Variants in ZNF556 observed in about 807,000 individuals in gnomAD.
ZNF556 encodes zinc finger protein 556.
ZNF556 carries 11 observed loss-of-function variants against 13.6 expected under a neutral mutation model. The observed-to-expected ratio is 0.81, with a 90% CI of 0.51 to 1.33. ZNF556 has a LOEUF of 1.33. Ranked by LOEUF, ZNF556 falls within the 40% of genes most tolerant of loss-of-function variation. The pLI is 0.00. For missense variants in ZNF556, 633 were observed against 566.2 expected (o/e 1.12, Z -1.20); for synonymous variants, 229 against 207.8 (o/e 1.10, Z -0.88).
At position 2,881,785 on chromosome 19, in the gene ZNF556, G is replaced by C. The variant is rs771798750; in HGVS notation, c.*3456G>C. 3.3e-5 allele frequency: 5 copies of C among 151,694 alleles called. No homozygotes were observed. Among genetic ancestry groups the C allele is most frequent in the Non-Finnish European group, 5.9e-5 (4 of 67,976 alleles). 9.4% of individuals were successfully genotyped at this position (151,694 alleles called of 1,614,324 possible). On this transcript the variant is annotated 3_prime_UTR_variant, in exon 4 of 4. Transcript: ENST00000307635. ...TAATACTATTTCAAGAACTGCTCAT[G>C]AGTTAGGAAATAGTGAGCAGTAATA... is the stretch of plus-strand genomic sequence containing the variant.
chr19:2,873,681 C>T, intron 2 of ZNF556, 59 bp downstream of exon 2: 2 of 1,575,390 alleles, frequency 1.3e-6, no homozygotes, highest in South Asian at 1.2e-5. Context: ...TGTCTGGTTG[C>T]AGTGGTTCAT....
Position 2,882,040 on chromosome 19 carries a change from G to T in ZNF556, c.*3711G>T. 1 of 152,154 alleles carries T rather than the reference G, an allele frequency of 6.6e-6. No individual in the cohort carries two copies. Among genetic ancestry groups the T allele is most frequent in the East Asian group, 1.9e-4 (1 of 5,192 alleles). The allele number at this position is 152,154 out of a possible 1,614,324, so 9.4% of individuals were successfully genotyped here. A position where few individuals can be genotyped will look rare whatever the true frequency, so the allele number is the denominator to read the frequency against. On this transcript the variant is annotated 3_prime_UTR_variant, in exon 4 of 4. Coordinates refer to ENST00000307635, the MANE Select transcript of ZNF556 (RefSeq NM_024967.3). ...GGTGGAGGATGGCTTGAGACCAAGA[G>T]GTCCAGGCTGCAATGAGTTATCTTG... is the stretch of plus-strand genomic sequence containing the variant.
chr19:2,878,320 A>C lies in ZNF556; in HGVS notation c.1362A>C (p.Thr454=). ...GTCACACAGGAAAGAAATCCTGTAC[A>C]TCTAAGTAATGGGGGAAAACCTGTG... ...VRSHTGKKSC[T]SK Residue 454 remains threonine (T), a synonymous_variant, in exon 4 of 4, where the codon ACA becomes ACC. Transcript: ENST00000307635. The C allele has an allele frequency of 6.2e-7, 1 of 1,612,640 alleles. No homozygotes were observed. The highest frequency in any genetic ancestry group is 8.5e-7 in the Non-Finnish European group (1 of 1,179,390).
At position 2,873,516 on chromosome 19, in the gene ZNF556, C is replaced by T. The variant is rs141737865; in HGVS notation, c.24C>T (p.Asp8=). 98 of 1,613,966 alleles carry T rather than the reference C, an allele frequency of 6.1e-5. No homozygotes were observed. Among genetic ancestry groups the T allele is most frequent in the Non-Finnish European group, 7.2e-5 (85 of 1,180,010 alleles). ...TTTAGGACACAGTGGTCTTTGAAGA[C>T]GTGGTTGTGGATTTCACGCTGGAGG... MDTVVFE[D]VVVDFTLEEW... is the part of the protein sequence containing the mutation. The change falls in exon 2 of 4, where the codon GAC becomes GAT. Residue 8 remains aspartate (D), a synonymous_variant. Transcript: ENST00000307635.
At position 2,877,934 on chromosome 19, in the gene ZNF556, T is replaced by C. The variant is rs201061294; in HGVS notation, c.976T>C (p.Trp326Arg). ...TGGAAAATGCGGGAAAGCATTCGGT[T>C]GGCCCTCATCCTTACACAAACACGC... is the stretch of plus-strand genomic sequence containing the variant. ...KCGKCGKAFG[W>R]PSSLHKHART... The change falls in exon 4 of 4, where the codon TGG becomes CGG. Residue 326 changes from tryptophan (W) to arginine (R), a missense_variant. Trp to Arg is a moderately radical substitution (Grantham distance 101). Coordinates refer to ENST00000307635, the MANE Select transcript of ZNF556 (RefSeq NM_024967.3). The C allele has an allele frequency of 2.7e-5, 44 of 1,614,180 alleles. No individual in the cohort carries two copies. In the East Asian group the frequency reaches 9.6e-4, roughly 35 times the overall value.
At chr19:2,873,746 G>C in intron 2 of ZNF556, 124 bp downstream of exon 2, 2 of 1,207,234 alleles carry the variant, frequency 1.7e-6, no homozygotes, top group South Asian at 1.6e-5. Flanking sequence ...TTGAGGCTAG[G>C]AGTTGACAAC....
At chr19:2,868,237 C>G (rs1175056634) in intron 1 of ZNF556, among the ~76,000 whole-genome samples, 4 of 151,838 alleles carry the variant, frequency 2.6e-5, no homozygotes, top group African/African-American at 9.7e-5. Flanking sequence ...AAAAGAATCG[C>G]AGAGAAAGAG....
At chr19:2,868,902 A>G (rs1355121651) in intron 1 of ZNF556, among the ~76,000 whole-genome samples, 3 of 148,948 alleles carry the variant, frequency 2.0e-5, no homozygotes, top group Non-Finnish European at 4.5e-5. Flanking sequence ...TATTTTTAGT[A>G]GAGACGGGGT....
intron 2 of ZNF556, among the ~76,000 whole-genome samples, chr19:2,874,743 C>CAA (rs1165214161): frequency 9.2e-4 from 60 of 65,464 alleles, no homozygotes; most frequent in African/African-American, 2.8e-3. Context: ...GACTCTGTCT[C>CAA]AAAAAAAAAA....
At position 2,868,100 on chromosome 19, in the gene ZNF556, C is replaced by CT. The variant is rs973764525; in HGVS notation, c.3+686dup. Among the ~76,000 whole-genome samples the CT allele has an allele frequency of 1.6e-4, 24 of 149,126 alleles. 1 individual carries two copies. The highest frequency in any genetic ancestry group is 3.3e-4 in the Admixed American group (5 of 14,976). Reference sequence around the variant, plus strand: ...CCATTTGTTAAAAATTCTAGCGTGCCTTTTTTTTTTCTTTTTATTTTCTGT... The same window carrying CT: ...CCATTTGTTAAAAATTCTAGCGTGCCTTTTTTTTTTTCTTTTTATTTTCTGT... On this transcript the variant is annotated intron_variant, in intron 1 of 3. Transcript: ENST00000307635.
At chr19:2,875,265 C>T (rs1240127625) in intron 2 of ZNF556, 1 of 152,194 alleles carries the variant, frequency 6.6e-6, no homozygotes, top group African/African-American at 2.4e-5. Context: ...ACGATCTCGG[C>T]TCACTGCAAG....
At chr19:2,869,429 C>T (rs1025280586) in intron 1 of ZNF556, among the ~76,000 whole-genome samples, 12 of 152,082 alleles carry the variant, frequency 7.9e-5, no homozygotes, top group African/African-American at 1.4e-4. Context: ...TGCAGTGGCG[C>T]GATCTCAGCT....
At chr19:2,869,289 A>G (rs2144880235) in intron 1 of ZNF556, among the ~76,000 whole-genome samples, 1 of 152,216 alleles carries the variant, frequency 6.6e-6, no homozygotes, top group South Asian at 2.1e-4. Flanking sequence ...TGTGTGAAAT[A>G]ATTAGTCTTC....
At chr19:2,876,063 T>C in intron 2 of ZNF556, 30 bp from the exon 3 acceptor site, 3 of 1,576,518 alleles carry the variant, frequency 1.9e-6, no homozygotes, top group Non-Finnish European at 2.6e-6. Flanking sequence ...GATGCCTTCC[T>C]CATCATATTG....
rs745899597 is a variant in ZNF556 at position 2,877,849 on chromosome 19, C to T, written c.891C>T (p.Cys297=). 3.7e-6 allele frequency: 6 copies of T among 1,614,154 alleles called. No homozygotes were observed. The Admixed American group carries it at 5.0e-5, about 13-fold the overall frequency. ...YECKQCGKAY[C]WATSFQRHVR... ...GCAAGCAGTGTGGGAAAGCCTACTG[C>T]TGGGCAACATCCTTTCAACGACACG... The change falls in exon 4 of 4, where the codon TGC becomes TGT. Residue 297 remains cysteine, a synonymous_variant. Transcript: ENST00000307635.
At position 2,877,983 on chromosome 19, in the gene ZNF556, C is replaced by G; in HGVS notation, c.1025C>G (p.Pro342Arg). 1 of 1,614,158 alleles carries G rather than the reference C, an allele frequency of 6.2e-7. No individual in the cohort carries two copies. Among genetic ancestry groups the G allele is most frequent in the South Asian group, 1.1e-5 (1 of 91,086 alleles). The change falls in exon 4 of 4, where the codon CCT becomes CGT. Residue 342 changes from proline (P) to arginine (R), a missense_variant. Coordinates refer to ENST00000307635, the MANE Select transcript of ZNF556 (RefSeq NM_024967.3). ...GCGAGAACGCATGCTAAAAAGAAAC[C>G]TGTGAGTGGGGGCAGCGTGGGAAAG... ...KHARTHAKKK[P>R]VSGGSVGKSS... is the part of the protein sequence containing the mutation.
intron 1 of ZNF556, among the ~76,000 whole-genome samples, chr19:2,868,805 G>A (rs969980684): frequency 2.7e-5 from 4 of 150,030 alleles, no homozygotes; most frequent in Admixed American, 1.3e-4. Context: ...TGCAACCTCC[G>A]CCTCCTGGGT....
chr19:2,875,918 C>T (rs1201307620), intron 2 of ZNF556, among the ~76,000 whole-genome samples, 175 bp from the exon 3 acceptor site: 8 of 152,034 alleles, frequency 5.3e-5, no homozygotes, highest in South Asian at 2.1e-4. Context: ...GAGCCGAGAT[C>T]GCGCCGCTGC....
At chr19:2,873,464 A>G (rs144646894) in intron 1 of ZNF556, 32 bp from the exon 2 acceptor site, 1 of 1,610,806 alleles carries the variant, frequency 6.2e-7, no homozygotes, top group South Asian at 1.1e-5. Flanking sequence ...GTTTTACCCC[A>G]TCCTCATGTA....
Sources: allele counts gnomAD v4.1 joint callset (sites outside exome capture counted in the v4.1 genomes callset), GRCh38; gene constraint gnomAD v4.1.1; transcripts MANE v1.5; gene names NCBI Gene and HGNC (gene_info 2026-07-23, HGNC 2026-07-21).